Variants in PITPNM3 observed in about 807,000 individuals in gnomAD.
PITPNM3 encodes membrane-associated phosphatidylinositol transfer protein 3.
In PITPNM3, 26 loss-of-function variants were observed where a neutral mutation model predicts 102.0. The ratio of observed to expected loss-of-function variants is 0.25; its 90% CI spans 0.19 to 0.35. PITPNM3 has a LOEUF of 0.35. Ranked by LOEUF, PITPNM3 falls within the 10% of genes least tolerant of loss-of-function variation. PITPNM3 has a pLI of 1.00. For missense variants in PITPNM3, 1,083 were observed against 1,346.1 expected, an observed-to-expected ratio of 0.80 and a Z score of 3.06; for synonymous variants, 578 against 558.6, an observed-to-expected ratio of 1.03 and a Z score of -0.49.
Position 6,451,628 on chromosome 17 carries a change from C to G in PITPNM3, c.*3710G>C, listed in dbSNP as rs1195429230. 1.3e-5 allele frequency: 2 copies of G among 152,268 alleles called. No individual in the cohort carries two copies. The highest frequency in any genetic ancestry group is 4.8e-5 in the African/African-American group (2 of 41,434). The allele number at this position is 152,268 out of a possible 1,614,324, so 9.4% of individuals were successfully genotyped here. On this transcript the variant is annotated 3_prime_UTR_variant, in exon 20 of 20. Transcript: ENST00000262483. ...ACGAGTCGCCCTCCTCTGGCCTGCC[C>G]CCCCTCGGGTCACCTGTTTCTCCTT...
At chr17:6,498,026 G>A (rs551489335) in intron 4 of PITPNM3, among the ~76,000 whole-genome samples, 1 of 152,344 alleles carries the variant, frequency 6.6e-6, no homozygotes, top group South Asian at 2.1e-4. Context: ...TCCTGGATGG[G>A]GGCGTGGGCA....
chr17:6,551,782 T>C (rs1044828888), intron 1 of PITPNM3, among the ~76,000 whole-genome samples: 1 of 152,066 alleles, frequency 6.6e-6, no homozygotes, highest in Non-Finnish European at 1.5e-5. Context: ...AGCTTCCAGA[T>C]GTTTCCTCCT....
chr17:6,471,534 G>T lies in PITPNM3; in HGVS notation c.1430-179C>A, dbSNP rs879714085. ...ACTGTGCCCACCCCACCAGTCCCCT[G>T]GGCCTGAAGGGACCCCGCTGCCACC... On this transcript the variant is annotated intron_variant, in intron 11 of 19. Transcript: ENST00000262483. Among the ~76,000 whole-genome samples, 52 of 152,308 alleles carry T rather than the reference G, an allele frequency of 3.4e-4. 1 individual carries two copies. Among genetic ancestry groups the T allele is most frequent in the Admixed American group, 2.7e-3 (42 of 15,308 alleles).
chr17:6,554,058 C>T (rs1235036994), intron 1 of PITPNM3, among the ~76,000 whole-genome samples: 1 of 152,068 alleles, frequency 6.6e-6, no homozygotes, highest in Non-Finnish European at 1.5e-5. Context: ...GTGCCTCACA[C>T]CTGTAATCCC....
intron 4 of PITPNM3, among the ~76,000 whole-genome samples, chr17:6,495,874 G>A (rs553374549): frequency 1.3e-5 from 2 of 152,326 alleles, no homozygotes; most frequent in Admixed American, 6.5e-5. Flanking sequence ...GAAGTAAGTA[G>A]ACTGTGCAGT....
chr17:6,464,558 C>T (rs760568554), intron 15 of PITPNM3, 97 bp downstream of exon 15: 55 of 1,305,820 alleles, frequency 4.2e-5, no homozygotes, highest in Non-Finnish European at 5.7e-5. Flanking sequence ...CCAGGCAGCT[C>T]GGCCCTCTTG....
At position 6,451,913 on chromosome 17, in the gene PITPNM3, T is replaced by C. The variant is rs1424094059; in HGVS notation, c.*3425A>G. 2.4e-5 allele frequency: 2 copies of C among 83,836 alleles called. No individual in the cohort carries two copies. Among genetic ancestry groups the C allele is most frequent in the African/African-American group, 4.6e-5 (1 of 21,652 alleles). 5.2% of individuals were successfully genotyped at this position (83,836 alleles called of 1,614,324 possible). ...CCGCCGATGGGATTCGGTGGGAAAG[T>C]TGGTTGTTTAAGGCGGGGTCAGGGC... On this transcript the variant is annotated 3_prime_UTR_variant, in exon 20 of 20. Transcript: ENST00000262483.
intron 1 of PITPNM3, among the ~76,000 whole-genome samples, chr17:6,544,247 A>G (rs1216308275): frequency 6.6e-6 from 1 of 152,234 alleles, no homozygotes; most frequent in Non-Finnish European, 1.5e-5. Flanking sequence ...AAGGGAGGCC[A>G]GGCATGGTGC....
chr17:6,553,047 G>C (rs1910404148), intron 1 of PITPNM3, among the ~76,000 whole-genome samples: 1 of 150,162 alleles, frequency 6.7e-6, no homozygotes, highest in East Asian at 2.0e-4. Context: ...TGGGATTACA[G>C]GCACGAACCA....
At chr17:6,513,781 G>A (rs1176346884) in intron 3 of PITPNM3, among the ~76,000 whole-genome samples, 1 of 152,064 alleles carries the variant, frequency 6.6e-6, no homozygotes, top group Non-Finnish European at 1.5e-5. Context: ...TGCAGAAATC[G>A]ACCTAAAATT....
intron 4 of PITPNM3, among the ~76,000 whole-genome samples, chr17:6,487,169 G>A (rs1478061908): frequency 2.6e-5 from 4 of 152,138 alleles, no homozygotes; most frequent in African/African-American, 7.2e-5. Context: ...TGGGAGGAGC[G>A]TGGTTAAAGC....
At chr17:6,497,162 C>G (rs1906879809) in intron 4 of PITPNM3, among the ~76,000 whole-genome samples, 1 of 152,186 alleles carries the variant, frequency 6.6e-6, no homozygotes, top group South Asian at 2.1e-4. Flanking sequence ...CACCAGTTAC[C>G]AGGCAGAGGA....
chr17:6,515,773 A>T (rs973900952), intron 3 of PITPNM3, among the ~76,000 whole-genome samples: 3 of 152,304 alleles, frequency 2.0e-5, no homozygotes, highest in East Asian at 1.9e-4. Context: ...AGGAGACTTT[A>T]AAAAATGTAG....
Position 6,470,365 on chromosome 17 carries a change from C to G in PITPNM3, c.1668G>C (p.Leu556=). The G allele has an allele frequency of 2.5e-6, 4 of 1,614,204 alleles. No individual in the cohort carries two copies. The highest frequency in any genetic ancestry group is 3.4e-6 in the Non-Finnish European group (4 of 1,180,030). ...AGGCCGTGAGGACATCAGGGCAGTA[C>G]AGGGCATAGTCGATCCTCTTGCTTC... ...WWGSKRIDYA[L]YCPDVLTAFP... Residue 556 remains leucine, a synonymous_variant, in exon 13 of 20, where the codon CTG becomes CTC. Coordinates refer to ENST00000262483, the MANE Select transcript of PITPNM3 (RefSeq NM_031220.4). This position sits in a 1 kb window ranked among gnomAD's most constrained non-coding sequence, Gnocchi z 4.8.
Position 6,478,634 on chromosome 17 carries a change from C to T in PITPNM3, c.690G>A (p.Gln230=). The stretch of plus-strand genomic sequence containing the variant: ...GCTCGATGACGGTGGCGACAGCATC[C>T]TGGTACTGCGGGGAGGAGATGGCCA... The part of the protein sequence containing the change: ...PLLAISSPQY[Q]DAVATVIERA... The change falls in exon 7 of 20, where the codon CAG becomes CAA. Residue 230 remains glutamine (Q), a synonymous_variant. Coordinates refer to ENST00000262483, the MANE Select transcript of PITPNM3 (RefSeq NM_031220.4). The surrounding 1 kb of genome is among the most constrained non-coding windows in gnomAD (Gnocchi z 4.4). 1 of 1,614,026 alleles carries T rather than the reference C, an allele frequency of 6.2e-7. No individual in the cohort carries two copies. The highest frequency in any genetic ancestry group is 1.1e-5 in the South Asian group (1 of 91,068).
intron 3 of PITPNM3, among the ~76,000 whole-genome samples, chr17:6,507,768 G>A (rs754896017): frequency 2.6e-5 from 4 of 152,152 alleles, no homozygotes; most frequent in Non-Finnish European, 4.4e-5. Context: ...GGACTCCAGC[G>A]CAGGGAGGAG....
intron 1 of PITPNM3, among the ~76,000 whole-genome samples, chr17:6,549,759 G>A (rs899706682): frequency 3.9e-5 from 6 of 152,188 alleles, no homozygotes; most frequent in Non-Finnish European, 8.8e-5. Context: ...GATCTCATTT[G>A]ATTTCCAAAC....
chr17:6,537,639 C>T lies in PITPNM3; in HGVS notation c.118+348G>A, dbSNP rs184124240. On this transcript the variant is annotated intron_variant, in intron 2 of 19. Coordinates refer to ENST00000262483, the MANE Select transcript of PITPNM3 (RefSeq NM_031220.4). This position sits in a 1 kb window ranked among gnomAD's most constrained non-coding sequence, Gnocchi z 4.4. ...CTTTTACTTAGCAGCGGCACTTTTA[C>T]TTAGTGGCGATGGTCCCCATTCGTC... 1.3e-5 allele frequency among the ~76,000 whole-genome samples: 2 copies of T among 152,320 alleles called. No individual in the cohort carries two copies. Among genetic ancestry groups the T allele is most frequent in the African/African-American group, 4.8e-5 (2 of 41,582 alleles).
chr17:6,467,070 A>AAAAAAAACAC (rs1567662346), intron 14 of PITPNM3, among the ~76,000 whole-genome samples: 9 of 26,904 alleles, frequency 3.3e-4, no homozygotes, highest in Non-Finnish European at 6.4e-4. Flanking sequence ...CTCAAAACAA[A>AAAAAAAACAC]AAAAAAAAAC....
Sources: allele counts gnomAD v4.1 joint callset (sites outside exome capture counted in the v4.1 genomes callset), GRCh38; gene constraint gnomAD v4.1.1; non-coding constraint Gnocchi (gnomAD v3.1); transcripts MANE v1.5; gene names NCBI Gene and HGNC (gene_info 2026-07-23, HGNC 2026-07-21).